The following AGBL4 variants were observed in gnomAD, a reference collection of about 807,000 sequenced individuals.
AGBL4 encodes AGBL carboxypeptidase 4.
Under a neutral mutation model 66.4 loss-of-function variants are expected in AGBL4, and 58 were observed. That is an observed-to-expected ratio of 0.87 (90% CI 0.71 to 1.09). The LOEUF (loss-of-function observed/expected upper bound fraction) is 1.09. Among genes scored for constraint, AGBL4 ranks in the 50% least tolerant of loss-of-function variants. AGBL4 has a pLI of 0.00. For missense variants in AGBL4, 579 were observed against 631.0 expected, an observed-to-expected ratio of 0.92 and a Z score of 0.88; for synonymous variants, 234 against 222.9, an observed-to-expected ratio of 1.05 and a Z score of -0.44.
At chr1:49,255,320 A>G (rs1652391012) in intron 3 of AGBL4, among the ~76,000 whole-genome samples, 1 of 152,202 alleles carries the variant, frequency 6.6e-6, no homozygotes, top group Non-Finnish European at 1.5e-5. Context: ...TAAATTTACA[A>G]GAAAAAACAA....
At chr1:49,444,832 T>C (rs1450324720) in intron 3 of AGBL4, among the ~76,000 whole-genome samples, 1 of 152,096 alleles carries the variant, frequency 6.6e-6, no homozygotes, top group Non-Finnish European at 1.5e-5. Flanking sequence ...GCTTGTTTTA[T>C]ATATTCTTTG....
intron 5 of AGBL4, among the ~76,000 whole-genome samples, chr1:48,978,273 T>C (rs1434276428): frequency 6.6e-6 from 1 of 152,192 alleles, no homozygotes; most frequent in Non-Finnish European, 1.5e-5. Context: ...CACTCTGCTG[T>C]GTGATACTGC....
chr1:48,930,805 C>CTCAT (rs796775978), intron 5 of AGBL4, among the ~76,000 whole-genome samples: 2 of 151,400 alleles, frequency 1.3e-5, no homozygotes, highest in African/African-American at 2.4e-5. Context: ...GGTTCATTCA[C>CTCAT]TCATTCATTC....
intron 11 of AGBL4, among the ~76,000 whole-genome samples, chr1:48,580,562 G>T (rs2148330941): frequency 6.6e-6 from 1 of 152,318 alleles, no homozygotes; most frequent in East Asian, 1.9e-4. Context: ...CATAGTCATT[G>T]CTAAACTGAG....
chr1:49,519,692 A>C (rs970445265), intron 3 of AGBL4, among the ~76,000 whole-genome samples: 1 of 152,102 alleles, frequency 6.6e-6, no homozygotes, highest in Admixed American at 6.6e-5. Context: ...TTAAAAACAC[A>C]ATGTGAAAAC....
intron 6 of AGBL4, among the ~76,000 whole-genome samples, chr1:48,841,699 A>G (rs1004736712): frequency 7.2e-5 from 11 of 152,122 alleles, no homozygotes; most frequent in African/African-American, 2.7e-4. Context: ...TTGAACTACT[A>G]CAGATGTTGC....
At chr1:49,009,691 G>A (rs1662220590) in intron 5 of AGBL4, among the ~76,000 whole-genome samples, 1 of 149,598 alleles carries the variant, frequency 6.7e-6, no homozygotes, top group Non-Finnish European at 1.5e-5. Context: ...TGATCAAGTG[G>A]GCTTCATCCC....
chr1:48,925,850 G>C (rs987237020), intron 5 of AGBL4, among the ~76,000 whole-genome samples: 1 of 152,092 alleles, frequency 6.6e-6, no homozygotes, highest in African/African-American at 2.4e-5. Context: ...TTATCCACTG[G>C]GCAGCTGTAA....
intron 3 of AGBL4, among the ~76,000 whole-genome samples, chr1:49,413,774 T>C (rs72684886): frequency 1.3e-5 from 2 of 152,272 alleles, no homozygotes; most frequent in African/African-American, 2.4e-5. Flanking sequence ...AGAGGTGACA[T>C]TATGATGTAG....
At chr1:49,786,105 A>T (rs1439504266) in intron 2 of AGBL4, among the ~76,000 whole-genome samples, 1 of 152,004 alleles carries the variant, frequency 6.6e-6, no homozygotes, top group Non-Finnish European at 1.5e-5. Context: ...GATTACAAGA[A>T]TAGCAAAATA....
chr1:49,141,559 T>A (rs926193171), intron 4 of AGBL4, among the ~76,000 whole-genome samples: 13 of 151,954 alleles, frequency 8.6e-5, no homozygotes, highest in African/African-American at 3.1e-4. Flanking sequence ...GACTCTGACA[T>A]AAGACATAAG....
intron 1 of AGBL4, among the ~76,000 whole-genome samples, chr1:49,941,440 T>A (rs1013136142): frequency 6.6e-6 from 1 of 152,018 alleles, no homozygotes; most frequent in Admixed American, 6.6e-5. Context: ...AAGAAAAATA[T>A]AGGCCAATAT....
Position 48,810,615 on chromosome 1 carries a change from G to C in AGBL4, c.634+56576C>G, listed in dbSNP as rs997353849. ...ATAGCATAGTCCTGGGCATAAATAG[G>C]TACTCAGTAGATGGAAGCTATTATT... On this transcript the variant is annotated intron_variant, in intron 6 of 13. Transcript: ENST00000371839. 5.3e-5 allele frequency among the ~76,000 whole-genome samples: 8 copies of C among 152,182 alleles called. No individual in the cohort carries two copies. The South Asian group carries it at 1.7e-3, about 31-fold the overall frequency.
intron 4 of AGBL4, among the ~76,000 whole-genome samples, chr1:49,147,043 C>T (rs969320082): frequency 2.0e-5 from 3 of 152,136 alleles, no homozygotes; most frequent in African/African-American, 7.2e-5. Context: ...AGGGAGCAGG[C>T]TCAGTGAGGG....
intron 9 of AGBL4, among the ~76,000 whole-genome samples, chr1:48,622,776 A>C (rs1645437504): frequency 6.6e-6 from 1 of 152,124 alleles, no homozygotes; most frequent in African/African-American, 2.4e-5. Context: ...GAGCCACTGC[A>C]CCTGGCCTCA....
At chr1:49,390,234 C>A (rs1421093989) in intron 3 of AGBL4, among the ~76,000 whole-genome samples, 1 of 152,224 alleles carries the variant, frequency 6.6e-6, no homozygotes, top group Non-Finnish European at 1.5e-5. Flanking sequence ...GCTCAGAAGT[C>A]TCAGAGGATC....
chr1:49,297,180 C>G (rs902665120), intron 3 of AGBL4, among the ~76,000 whole-genome samples: 2 of 152,188 alleles, frequency 1.3e-5, no homozygotes, highest in African/African-American at 4.8e-5. Flanking sequence ...GAGAATCTTG[C>G]TTCATTCACT....
intron 3 of AGBL4, among the ~76,000 whole-genome samples, chr1:49,633,257 T>C (rs1463963558): frequency 1.3e-5 from 2 of 152,190 alleles, no homozygotes; most frequent in Admixed American, 6.5e-5. Flanking sequence ...TTGGAACTTA[T>C]TTTATATTCA....
intron 3 of AGBL4, among the ~76,000 whole-genome samples, chr1:49,279,387 G>T (rs904623203): frequency 6.6e-6 from 1 of 152,120 alleles, no homozygotes; most frequent in Non-Finnish European, 1.5e-5. Context: ...TGAAAAATGA[G>T]AAAAATCAAT....
Sources: gnomAD v4.1 joint callset for allele counts (sites outside exome capture counted in the v4.1 genomes callset) on GRCh38, gnomAD v4.1.1 for gene constraint, MANE v1.5 for transcripts, NCBI Gene and HGNC (gene_info 2026-07-23, HGNC 2026-07-21) for gene names.